The following NCALD variants were observed in gnomAD, a reference collection of about 807,000 sequenced individuals.
NCALD encodes neurocalcin-delta.
Under a neutral mutation model 18.6 loss-of-function variants are expected in NCALD, and 10 were observed. The ratio of observed to expected loss-of-function variants is 0.54; its 90% confidence interval spans 0.33 to 0.91. NCALD has a LOEUF of 0.91. Ranked by LOEUF, NCALD falls within the 40% of genes least tolerant of loss-of-function variation. The pLI is 0.03. For synonymous variants in NCALD, 88 were observed against 87.4 expected (o/e 1.01, Z -0.04); for missense variants, 184 against 247.6 (o/e 0.74, Z 1.72).
chr8:101,931,033 C>T (rs955661306), intron 2 of NCALD, among the ~76,000 whole-genome samples: 3 of 152,154 alleles, frequency 2.0e-5, no homozygotes, highest in Admixed American at 6.5e-5. Flanking sequence ...TAAGCAGAGG[C>T]GAAAGCTGTG....
chr8:101,891,838 C>T (rs1269779290), intron 3 of NCALD, among the ~76,000 whole-genome samples: 2 of 152,224 alleles, frequency 1.3e-5, no homozygotes, highest in African/African-American at 4.8e-5. Flanking sequence ...GAGATTATAT[C>T]CCACACCTGG....
chr8:102,046,370 C>T (rs1823239974), intron 1 of NCALD, among the ~76,000 whole-genome samples: 1 of 152,190 alleles, frequency 6.6e-6, no homozygotes, highest in Non-Finnish European at 1.5e-5. Flanking sequence ...TCTGAGACAA[C>T]TTCTACAAAT....
At chr8:101,958,994 T>C (rs1819738326) in intron 2 of NCALD, among the ~76,000 whole-genome samples, 1 of 152,136 alleles carries the variant, frequency 6.6e-6, no homozygotes, top group Non-Finnish European at 1.5e-5. Flanking sequence ...AACCACAATA[T>C]GAACATCAAA....
At chr8:101,802,767 G>C (rs1471519247) in intron 4 of NCALD, among the ~76,000 whole-genome samples, 1 of 151,954 alleles carries the variant, frequency 6.6e-6, no homozygotes, top group Non-Finnish European at 1.5e-5. Context: ...ATCTAGCAAA[G>C]GTTCATGAAG....
At chr8:101,957,209 T>C (rs774713546) in intron 2 of NCALD, among the ~76,000 whole-genome samples, 1 of 150,818 alleles carries the variant, frequency 6.6e-6, no homozygotes, top group Non-Finnish European at 1.5e-5. Context: ...TTTAGAGTAA[T>C]GTTAGCATAA....
chr8:101,959,043 T>A (rs1484475965), intron 2 of NCALD, among the ~76,000 whole-genome samples: 2 of 152,138 alleles, frequency 1.3e-5, no homozygotes, highest in Non-Finnish European at 2.9e-5. Flanking sequence ...TACTATCTCA[T>A]CCTCAGACCC....
At chr8:101,796,250 T>C (rs1252288246) in intron 4 of NCALD, among the ~76,000 whole-genome samples, 1 of 152,178 alleles carries the variant, frequency 6.6e-6, no homozygotes, top group Non-Finnish European at 1.5e-5. Flanking sequence ...TAAAGGAAGA[T>C]GACATCTTTC....
chr8:101,971,140 G>A (rs1433664712), intron 2 of NCALD, among the ~76,000 whole-genome samples: 2 of 152,118 alleles, frequency 1.3e-5, no homozygotes, highest in African/African-American at 2.4e-5. Context: ...AGAATCATGA[G>A]CTAACTAAAC....
rs1216430077 is a variant in NCALD at position 102,043,885 on chromosome 8, C to T, written c.-209-23596G>A. 4.0e-5 allele frequency among the ~76,000 whole-genome samples: 6 copies of T among 151,762 alleles called. No homozygotes were observed. The South Asian group carries it at 8.3e-4, about 21-fold the overall frequency. On this transcript the variant is annotated intron_variant, in intron 1 of 6. Transcript: ENST00000311028. ...CGTTGTCTTTGCTTCCCTCTCCCTA[C>T]CTGAAGTAAAGGCCAAGCCAGAAAG... is the stretch of plus-strand genomic sequence containing the variant.
intron 2 of NCALD, among the ~76,000 whole-genome samples, chr8:101,978,292 A>G (rs145074515): frequency 6.6e-6 from 1 of 152,200 alleles, no homozygotes; most frequent in Non-Finnish European, 1.5e-5. Context: ...GAGCACTTGT[A>G]TCATAATCAA....
At chr8:101,889,861 A>G (rs1013783747) in intron 3 of NCALD, among the ~76,000 whole-genome samples, 1 of 152,236 alleles carries the variant, frequency 6.6e-6, no homozygotes, top group African/African-American at 2.4e-5. Context: ...ATACCCAAAG[A>G]TTAATTCCAG....
intron 2 of NCALD, among the ~76,000 whole-genome samples, chr8:101,981,189 C>T (rs1440701141): frequency 6.6e-6 from 1 of 152,134 alleles, no homozygotes. Flanking sequence ...ATGGCCAACC[C>T]GTTGGTTTAT....
At chr8:101,833,324 A>C (rs1290164160) in intron 4 of NCALD, among the ~76,000 whole-genome samples, 1 of 152,230 alleles carries the variant, frequency 6.6e-6, no homozygotes. Context: ...TTGAGCACCA[A>C]GAGGCTAGAT....
chr8:102,096,702 A>T (rs890547973), intron 1 of NCALD, among the ~76,000 whole-genome samples: 1 of 152,222 alleles, frequency 6.6e-6, no homozygotes, highest in Non-Finnish European at 1.5e-5. Flanking sequence ...GGTGAGCACC[A>T]AGTGGTCAAT....
intron 4 of NCALD, among the ~76,000 whole-genome samples, chr8:101,872,825 T>A (rs1463239761): frequency 1.3e-5 from 2 of 152,170 alleles, no homozygotes; most frequent in Admixed American, 6.5e-5. Flanking sequence ...GTTTAGAGCA[T>A]GATCCCAATA....
intron 1 of NCALD, among the ~76,000 whole-genome samples, chr8:101,751,598 G>C (rs984892106): frequency 2.6e-5 from 4 of 152,168 alleles, no homozygotes; most frequent in African/African-American, 9.7e-5. Flanking sequence ...CTCCATGAAA[G>C]GGGAGGGCCC....
At chr8:102,085,988 CT>C (rs1319846776) in intron 1 of NCALD, among the ~76,000 whole-genome samples, 1 of 152,104 alleles carries the variant, frequency 6.6e-6, no homozygotes, top group African/African-American at 2.4e-5. Flanking sequence ...GCTGCTTAAT[CT>C]TTTTTCCTGA....
intron 1 of NCALD, chr8:101,750,531 A>G (rs1292265846): frequency 6.6e-6 from 1 of 152,300 alleles, no homozygotes; most frequent in Non-Finnish European, 1.5e-5. Flanking sequence ...GTCTCTGGCT[A>G]CAACATGACT....
chr8:101,775,861 A>T (rs1012989084), intron 1 of NCALD, among the ~76,000 whole-genome samples: 1 of 152,228 alleles, frequency 6.6e-6, no homozygotes, highest in South Asian at 2.1e-4. Flanking sequence ...GCCTATTAGG[A>T]TAACCTAGCA....
Sources: gnomAD v4.1 joint callset for allele counts (sites outside exome capture counted in the v4.1 genomes callset) on GRCh38, gnomAD v4.1.1 for gene constraint, MANE v1.5 for transcripts, NCBI Gene and HGNC (gene_info 2026-07-23, HGNC 2026-07-21) for gene names.